The following KATNAL2 variants were observed in gnomAD, a reference collection of about 807,000 sequenced individuals.
KATNAL2 encodes the protein katanin p60 ATPase-containing subunit A-like 2.
KATNAL2 carries 52 observed loss-of-function variants against 76.3 expected under a neutral mutation model. The observed-to-expected ratio is 0.68, with a 90% CI of 0.55 to 0.86. KATNAL2 has a LOEUF of 0.86. Among genes scored for constraint, KATNAL2 ranks in the 40% least tolerant of loss-of-function variants. The pLI is 0.00. For missense variants in KATNAL2, 660 were observed against 668.9 expected (o/e 0.99, Z 0.15); for synonymous variants, 243 against 244.2 (o/e 1.00, Z 0.05).
intron 15 of KATNAL2, chr18:47,099,001 TTCTC>T (rs377363095): frequency 3.4e-4 from 126 of 370,954 alleles, no homozygotes; most frequent in African/African-American, 2.1e-3. Context: ...CCTTCCTTCC[TTCTC>T]TTTCTTCTCC....
At chr18:46,957,824 AGT>A (rs2059810154) in intron 3 of KATNAL2, among the ~76,000 whole-genome samples, 1 of 151,978 alleles carries the variant, frequency 6.6e-6, no homozygotes, top group African/African-American at 2.4e-5. Flanking sequence ...GGCCTCCCAA[AGT>A]GCTGAGAATA....
chr18:47,075,974 C>A (rs908558314), intron 14 of KATNAL2: 3 of 152,172 alleles, frequency 2.0e-5, no homozygotes, highest in Admixed American at 1.3e-4. Flanking sequence ...TTCCAAAAGC[C>A]AGAGTAGTGT....
rs556613273 is a variant in KATNAL2 at position 47,077,720 on chromosome 18, T to C, written c.1211+259T>C. Among the ~76,000 whole-genome samples, 100 of 152,258 alleles carry C rather than the reference T, an allele frequency of 6.6e-4. 1 individual carries two copies. The highest frequency in any genetic ancestry group is 2.3e-3 in the African/African-American group (96 of 41,548). On this transcript the variant is annotated intron_variant, in intron 15 of 17. Coordinates refer to ENST00000683218, the MANE Select transcript of KATNAL2 (RefSeq NM_001387690.1). ...ATTTCAAGATTAAAGCCAAATTACA[T>C]AGTTTGTTTAAATTAAGTAGGACTT...
At chr18:46,930,815 TA>T (rs2058885968) in intron 1 of KATNAL2, among the ~76,000 whole-genome samples, 1 of 141,578 alleles carries the variant, frequency 7.1e-6, no homozygotes, top group Non-Finnish European at 1.5e-5. Flanking sequence ...TTAAAAAAAA[TA>T]AATAGGCCAG....
At chr18:47,033,434 G>A (rs1429070997) in intron 3 of KATNAL2, 6 of 1,613,808 alleles carry the variant, frequency 3.7e-6, no homozygotes, top group Non-Finnish European at 4.2e-6. Context: ...GCGTCCGGAA[G>A]CCGCAGGTAC....
chr18:47,042,478 C>T (rs1266916509), intron 3 of KATNAL2, among the ~76,000 whole-genome samples: 12 of 152,166 alleles, frequency 7.9e-5, no homozygotes, highest in Non-Finnish European at 1.5e-5. Flanking sequence ...TACCTGCCTA[C>T]TTACATTGCA....
chr18:47,033,101 C>A (rs760037172), intron 3 of KATNAL2: 5 of 1,614,118 alleles, frequency 3.1e-6, no homozygotes, highest in Admixed American at 1.7e-5. Flanking sequence ...GCCGCGGGCG[C>A]CGCGTGCTCA....
intron 3 of KATNAL2, among the ~76,000 whole-genome samples, chr18:47,031,617 T>C (rs1037879372): frequency 3.3e-5 from 5 of 152,316 alleles, no homozygotes; most frequent in Middle Eastern, 3.4e-3. Context: ...AATCGTAGTG[T>C]AATACTGGCA....
Position 47,069,514 on chromosome 18 carries a change from G to T in KATNAL2, c.922G>T (p.Ala308Ser), listed in dbSNP as rs769613954. ...TGKTLLAKAV[A>S]TECKTTFFNI... Reference sequence around the variant, plus strand: ...AAAGACTTTACTGGCCAAAGCTGTGGCCACTGAATGTAAAACAACCTTCTT... The same window carrying T: ...AAAGACTTTACTGGCCAAAGCTGTGTCCACTGAATGTAAAACAACCTTCTT... The change falls in exon 13 of 18, where the codon GCC (alanine) becomes TCC (serine). Residue 308 changes from alanine (A) to serine (S), a missense_variant. By Grantham distance (99) the Ala-to-Ser change is moderately conservative. Transcript: ENST00000683218. The T allele has an allele frequency of 6.2e-7, 1 of 1,613,872 alleles. No homozygotes were observed. The highest frequency in any genetic ancestry group is 1.1e-5 in the South Asian group (1 of 91,040).
At chr18:47,100,834 G>T in intron 17 of KATNAL2, 32 bp from the exon 18 acceptor site, 1 of 1,613,758 alleles carries the variant, frequency 6.2e-7, no homozygotes, top group Non-Finnish European at 8.5e-7. Flanking sequence ...GAGGTCGATT[G>T]TTGTGCTGTT....
intron 1 of KATNAL2, chr18:46,920,106 C>T (rs1447770277): frequency 1.6e-6 from 2 of 1,289,428 alleles, no homozygotes; most frequent in Admixed American, 4.6e-5. Flanking sequence ...CTGCCCCTTC[C>T]TCAATGTGTA....
intron 10 of KATNAL2, among the ~76,000 whole-genome samples, 155 bp from the exon 11 acceptor site, chr18:47,066,866 T>A (rs766132206): frequency 0.02 from 1,480 of 72,266 alleles, 168 homozygotes; most frequent in South Asian, 0.036. Context: ...TATATATATA[T>A]ATATATATAT....
chr18:47,063,945 A>G (rs1184389867), intron 10 of KATNAL2, among the ~76,000 whole-genome samples: 1 of 152,154 alleles, frequency 6.6e-6, no homozygotes. Flanking sequence ...TGGGAAATAA[A>G]ATAGATTCCT....
chr18:47,065,126 T>C, intron 10 of KATNAL2, among the ~76,000 whole-genome samples: 1 of 152,162 alleles, frequency 6.6e-6, no homozygotes, highest in East Asian at 1.9e-4. Context: ...AATCCAAGAA[T>C]GGATTGTAAA....
At chr18:47,072,623 G>A (rs957233196) in intron 13 of KATNAL2, among the ~76,000 whole-genome samples, 5 of 152,096 alleles carry the variant, frequency 3.3e-5, no homozygotes, top group African/African-American at 1.2e-4. Context: ...TTTTTGTGTA[G>A]AAATCAGGTT....
At chr18:47,056,435 G>C (rs2147115349) in intron 6 of KATNAL2, among the ~76,000 whole-genome samples, 1 of 152,318 alleles carries the variant, frequency 6.6e-6, no homozygotes. Context: ...GAAATGACTA[G>C]AGCAACTGCA....
intron 3 of KATNAL2, among the ~76,000 whole-genome samples, chr18:47,038,173 CTT>C (rs918689956): frequency 7.9e-5 from 12 of 152,190 alleles, no homozygotes; most frequent in African/African-American, 2.9e-4. Flanking sequence ...GTAAGCCTGT[CTT>C]TTAGGCTATT....
chr18:47,063,500 T>C lies in KATNAL2; in HGVS notation c.726+139T>C, dbSNP rs1028085834. ...CCCCCACTTGCGCAGGCACTCATAT[T>C]GTTTAGAGGCACAATAATGCATGAT... On this transcript the variant is annotated intron_variant, in intron 10 of 17. Coordinates refer to ENST00000683218, the MANE Select transcript of KATNAL2 (RefSeq NM_001387690.1). 6 of 611,018 alleles carry C rather than the reference T, an allele frequency of 9.8e-6. No individual in the cohort carries two copies. The African/African-American group carries it at 1.1e-4, about 11-fold the overall frequency. 37.8% of individuals were successfully genotyped at this position (611,018 alleles called of 1,614,324 possible).
intron 9 of KATNAL2, 62 bp from the exon 10 acceptor site, chr18:47,063,222 G>A (rs975139610): frequency 2.4e-5 from 37 of 1,547,478 alleles, no homozygotes; most frequent in Admixed American, 8.5e-5. Context: ...GTGCATGCCC[G>A]GGGTTTCTTC....
Sources: gnomAD v4.1 joint callset for allele counts (sites outside exome capture counted in the v4.1 genomes callset) on GRCh38, gnomAD v4.1.1 for gene constraint, MANE v1.5 for transcripts, NCBI Gene and HGNC (gene_info 2026-07-23, HGNC 2026-07-21) for gene names.